Variants in RGS7 observed in about 807,000 individuals in gnomAD.
The protein encoded by RGS7 is regulator of G-protein signaling 7.
In RGS7, 27 loss-of-function variants were observed where a neutral mutation model predicts 81.1. The ratio of observed to expected loss-of-function variants is 0.33; its 90% CI spans 0.25 to 0.46. The LOEUF is 0.46. Among genes scored for constraint, RGS7 ranks in the 20% least tolerant of loss-of-function variants. RGS7 has a pLI of 1.00. For missense variants in RGS7, 396 were observed against 607.4 expected (o/e 0.65, Z 3.66); for synonymous variants, 208 against 207.7 (o/e 1.00, Z -0.01).
chr1:240,912,456 G>A (rs1472216952), intron 6 of RGS7, among the ~76,000 whole-genome samples: 2 of 152,122 alleles, frequency 1.3e-5, no homozygotes, highest in East Asian at 3.9e-4. Flanking sequence ...TTAATTGGTT[G>A]GGAAAGAGGT....
chr1:241,349,104 G>A (rs2083081920), intron 2 of RGS7, among the ~76,000 whole-genome samples: 1 of 152,108 alleles, frequency 6.6e-6, no homozygotes, highest in Non-Finnish European at 1.5e-5. Flanking sequence ...TCCCATTCTA[G>A]CATCAAACAG....
At chr1:240,851,793 T>A (rs1342374794) in intron 9 of RGS7, among the ~76,000 whole-genome samples, 1 of 152,126 alleles carries the variant, frequency 6.6e-6, no homozygotes, top group Non-Finnish European at 1.5e-5. Flanking sequence ...TAATCGCAGA[T>A]GTGGTGGAAA....
intron 6 of RGS7, among the ~76,000 whole-genome samples, chr1:240,878,158 T>C (rs898535011): frequency 6.6e-6 from 1 of 152,138 alleles, no homozygotes; most frequent in African/African-American, 2.4e-5. Flanking sequence ...TGAACTGAAT[T>C]CTCTCCAGAA....
intron 4 of RGS7, among the ~76,000 whole-genome samples, chr1:240,948,490 C>T: frequency 6.6e-6 from 1 of 152,158 alleles, no homozygotes; most frequent in East Asian, 1.9e-4. Flanking sequence ...GTTGCCCAGG[C>T]TGGAGTGCAT....
chr1:241,036,893 C>T (rs2060357714), intron 3 of RGS7, among the ~76,000 whole-genome samples: 1 of 152,104 alleles, frequency 6.6e-6, no homozygotes, highest in Admixed American at 6.5e-5. Flanking sequence ...TTGCCTGTTG[C>T]ACTCCACTAA....
At chr1:241,294,288 C>T (rs1009419611) in intron 2 of RGS7, among the ~76,000 whole-genome samples, 8 of 149,290 alleles carry the variant, frequency 5.4e-5, no homozygotes, top group Non-Finnish European at 8.9e-5. Context: ...TGGGACCTGT[C>T]GGGGGTGGGG....
At chr1:240,825,684 G>A (rs1692676858) in intron 10 of RGS7, among the ~76,000 whole-genome samples, 1 of 152,150 alleles carries the variant, frequency 6.6e-6, no homozygotes, top group Admixed American at 6.6e-5. Context: ...ATGCCTCATG[G>A]GCTTTTCATC....
intron 3 of RGS7, among the ~76,000 whole-genome samples, chr1:241,005,830 C>T (rs1400956267): frequency 6.6e-5 from 10 of 152,180 alleles, no homozygotes; most frequent in African/African-American, 9.7e-5. Flanking sequence ...CCACCGCGCC[C>T]GGCCACGTCT....
At chr1:240,956,470 T>C (rs888705345) in intron 4 of RGS7, among the ~76,000 whole-genome samples, 3 of 151,880 alleles carry the variant, frequency 2.0e-5, no homozygotes, top group African/African-American at 7.3e-5. Flanking sequence ...CTGCCAAGAA[T>C]TCCAAATAAT....
At chr1:241,054,994 A>G (rs2061411074) in intron 3 of RGS7, among the ~76,000 whole-genome samples, 1 of 152,200 alleles carries the variant, frequency 6.6e-6, no homozygotes, top group South Asian at 2.1e-4. Context: ...AAGAACTATT[A>G]ATCATGCAGT....
chr1:241,078,483 T>TTG (rs1553411207), intron 3 of RGS7, among the ~76,000 whole-genome samples: 2 of 75,848 alleles, frequency 2.6e-5, no homozygotes, highest in African/African-American at 2.0e-4. Context: ...CACACGTAAG[T>TTG]TATGTGTGTG....
chr1:240,955,284 A>G (rs1158765408), intron 4 of RGS7, among the ~76,000 whole-genome samples: 1 of 152,170 alleles, frequency 6.6e-6, no homozygotes, highest in African/African-American at 2.4e-5. Flanking sequence ...CGACATAATA[A>G]TGAAGGATAA....
chr1:241,237,152 T>C (rs1317929015), intron 2 of RGS7, among the ~76,000 whole-genome samples: 2 of 152,150 alleles, frequency 1.3e-5, no homozygotes, highest in African/African-American at 2.4e-5. Flanking sequence ...CAACAAACAA[T>C]AGAAGCTTAA....
At chr1:240,965,593 G>A (rs1279687695) in intron 4 of RGS7, among the ~76,000 whole-genome samples, 2 of 152,164 alleles carry the variant, frequency 1.3e-5, no homozygotes, top group Non-Finnish European at 2.9e-5. Flanking sequence ...ACAAGTGGCT[G>A]CCATCAGCCC....
intron 3 of RGS7, among the ~76,000 whole-genome samples, chr1:241,091,197 T>A (rs1193347400): frequency 6.6e-6 from 1 of 152,120 alleles, no homozygotes; most frequent in African/African-American, 2.4e-5. Context: ...ATAGAAGGTT[T>A]CCAAATTACT....
chr1:241,234,144 G>A (rs546873457), intron 2 of RGS7, among the ~76,000 whole-genome samples: 22 of 152,292 alleles, frequency 1.4e-4, no homozygotes, highest in Non-Finnish European at 2.5e-4. Flanking sequence ...ACTGGGGAAC[G>A]CATGTGTGCA....
chr1:240,901,405 T>A (rs1484932191), intron 6 of RGS7, among the ~76,000 whole-genome samples: 3 of 152,180 alleles, frequency 2.0e-5, no homozygotes, highest in East Asian at 3.9e-4. Flanking sequence ...GCTGTTCCTA[T>A]TCAGCCATCT....
At chr1:241,304,847 CCTA>C (rs2079989724) in intron 2 of RGS7, among the ~76,000 whole-genome samples, 1 of 152,160 alleles carries the variant, frequency 6.6e-6, no homozygotes, top group African/African-American at 2.4e-5. Context: ...ATGTTAAAGA[CCTA>C]CTTAACACAT....
chr1:241,315,245 C>A (rs1311899827), intron 2 of RGS7, among the ~76,000 whole-genome samples: 1 of 148,958 alleles, frequency 6.7e-6, no homozygotes, highest in African/African-American at 2.5e-5. Context: ...AAAAGGGAAG[C>A]TTCAGCTTGA....
Sources: gnomAD v4.1 joint callset for allele counts (sites outside exome capture counted in the v4.1 genomes callset) on GRCh38, gnomAD v4.1.1 for gene constraint, MANE v1.5 for transcripts, NCBI Gene and HGNC (gene_info 2026-07-23, HGNC 2026-07-21) for gene names.